The following TFPT variants were observed in gnomAD, a reference collection of about 807,000 sequenced individuals.
The protein encoded by TFPT is INO80 complex subunit F.
TFPT carries 27 observed loss-of-function variants against 28.8 expected under a neutral mutation model. The observed-to-expected ratio is 0.94, with a 90% CI of 0.69 to 1.29. The LOEUF (loss-of-function observed/expected upper bound fraction) is 1.29. TFPT is among the 50% of genes most tolerant of loss of function. TFPT has a pLI of 0.00. For missense variants in TFPT, 330 were observed against 338.0 expected (o/e 0.98, Z 0.19); for synonymous variants, 152 against 142.8 (o/e 1.06, Z -0.46).
chr19:54,111,500 A>T (rs1363690897), intron 2 of TFPT, among the ~76,000 whole-genome samples: 1 of 109,394 alleles, frequency 9.1e-6, no homozygotes, highest in African/African-American at 3.4e-5. Flanking sequence ...TCTCTACTAA[A>T]AAAAAAAAAA....
At chr19:54,108,709 C>T in intron 3 of TFPT, 1 of 1,006,386 alleles carries the variant, frequency 9.9e-7, no homozygotes, top group Non-Finnish European at 1.4e-6. Flanking sequence ...GATGTCAGCA[C>T]TTAGTAAACA....
At chr19:54,108,288 C>G (rs764714626) in intron 4 of TFPT, 38 bp downstream of exon 4, 1 of 1,577,918 alleles carries the variant, frequency 6.3e-7, no homozygotes, top group Non-Finnish European at 8.6e-7. Context: ...GGGTCCTGAG[C>G]TCCCAGTTCC....
In TFPT at chr19:54,107,199, A is replaced by G; in HGVS notation, c.643-30T>C. 3.2e-6 allele frequency: 5 copies of G among 1,581,566 alleles called. No individual in the cohort carries two copies. The African/African-American group carries it at 6.9e-5, about 22-fold the overall frequency. The stretch of plus-strand genomic sequence containing the variant: ...AGGAGATAAGGAACAAGGTGTTAAC[A>G]GGCCTGGGAATCTAGAAAATCCCAT... On this transcript the variant is annotated intron_variant, in intron 5 of 5. Coordinates refer to ENST00000391759, the MANE Select transcript of TFPT (RefSeq NM_013342.4).
chr19:54,107,912 C>G, intron 5 of TFPT, 114 bp downstream of exon 5: 1 of 1,183,634 alleles, frequency 8.4e-7, no homozygotes, highest in Non-Finnish European at 1.2e-6. Context: ...CCCAAGAGCC[C>G]TGAACCTAAC....
intron 3 of TFPT, chr19:54,108,754 AAG>A: frequency 2.6e-6 from 2 of 757,152 alleles, no homozygotes. Flanking sequence ...TTGATAACTG[AAG>A]AGAGGGGAGT....
At chr19:54,107,960 T>C in intron 5 of TFPT, 66 bp downstream of exon 5, 1 of 1,455,204 alleles carries the variant, frequency 6.9e-7, no homozygotes, top group Non-Finnish European at 9.2e-7. Context: ...GAGTCCCCCC[T>C]CCTTACCTGC....
chr19:54,115,374 G>A lies in TFPT; in HGVS notation c.-105C>T. ...TGTCCCATCAGGCTCAGCAGCCGAG[G>A]ACGGCGGGACGTGGCCCTAGGCCTT... On this transcript the variant is annotated 5_prime_UTR_variant, in exon 1 of 6. Coordinates refer to ENST00000391759, the MANE Select transcript of TFPT (RefSeq NM_013342.4). The A allele has an allele frequency of 6.5e-7, 1 of 1,547,916 alleles. No homozygotes were observed. The highest frequency in any genetic ancestry group is 2.2e-5 in the East Asian group (1 of 44,566).
intron 2 of TFPT, among the ~76,000 whole-genome samples, chr19:54,113,897 T>A (rs1234936869): frequency 1.3e-5 from 2 of 152,186 alleles, no homozygotes. Flanking sequence ...TTCACCATGT[T>A]GGCCAGGCTG....
intron 2 of TFPT, 49 bp downstream of exon 2, chr19:54,114,393 G>T: frequency 1.3e-6 from 2 of 1,571,162 alleles, no homozygotes; most frequent in Non-Finnish European, 8.6e-7. Flanking sequence ...GCGGGGGGCG[G>T]TAGTTTAGGC....
rs1225383999 is a variant in TFPT, at chr19:54,115,647, C to T, written c.-378G>A. ...CTTACCGCCTCTCTCCGCCTAGTGC[C>T]AGGTGCTAATAAAGTTGTTGTTTCA... On this transcript the variant is annotated 5_prime_UTR_variant, in exon 1 of 6. Transcript: ENST00000391759. The T allele has an allele frequency of 7.6e-6, 3 of 395,450 alleles. No individual in the cohort carries two copies. Among genetic ancestry groups the T allele is most frequent in the African/African-American group, 2.0e-5 (1 of 49,902 alleles). 24.5% of individuals were successfully genotyped at this position (395,450 alleles called of 1,614,324 possible). A position where few individuals can be genotyped will look rare whatever the true frequency, so the allele number is the denominator to read the frequency against.
chr19:54,114,456 G>A lies in TFPT; in HGVS notation c.268C>T (p.Arg90Trp), dbSNP rs142515991. The A allele has an allele frequency of 8.1e-5, 131 of 1,612,968 alleles. No individual in the cohort carries two copies. Among genetic ancestry groups the A allele is most frequent in the Middle Eastern group, 1.6e-4 (1 of 6,082 alleles). The change falls in exon 2 of 6, where the codon CGG becomes TGG. Residue 90 changes from arginine (R) to tryptophan (W), a missense_variant. By Grantham distance (101) the Arg-to-Trp change is moderately radical. Coordinates refer to ENST00000391759, the MANE Select transcript of TFPT (RefSeq NM_013342.4). ...RKYQALGRRC[R>W]EIEQVNERVL... is the part of the protein sequence containing the mutation. Reference sequence around the variant, plus strand: ...CACTCACCTACCTGCTCGATCTCCCGGCAGCGCCGACCTAGTGCCTGGTAC... The same window carrying A: ...CACTCACCTACCTGCTCGATCTCCCAGCAGCGCCGACCTAGTGCCTGGTAC...
chr19:54,115,378 G>A lies in TFPT; in HGVS notation c.-109C>T. The A allele has an allele frequency of 6.6e-7, 1 of 1,523,866 alleles. No individual in the cohort carries two copies. Among genetic ancestry groups the A allele is most frequent in the Non-Finnish European group, 9.0e-7 (1 of 1,105,400 alleles). 94.4% of individuals were successfully genotyped at this position (1,523,866 alleles called of 1,614,324 possible). On this transcript the variant is annotated 5_prime_UTR_variant, in exon 1 of 6. Coordinates refer to ENST00000391759, the MANE Select transcript of TFPT (RefSeq NM_013342.4). ...CCATCAGGCTCAGCAGCCGAGGACGGCGGGACGTGGCCCTAGGCCTTGTGG... is the reference window on the plus strand; with the variant it reads ...CCATCAGGCTCAGCAGCCGAGGACGACGGGACGTGGCCCTAGGCCTTGTGG...
At chr19:54,108,556 TGACCAGCCTTGA>T in intron 3 of TFPT, 161 bp from the exon 4 acceptor site, 1 of 1,604,678 alleles carries the variant, frequency 6.2e-7, no homozygotes, top group Non-Finnish European at 8.5e-7. Context: ...GCCATGCCCT[TGACCAGCCTTGA>T]GACCTCGAGC....
At chr19:54,107,542 C>T (rs2073306534) in intron 5 of TFPT, 1 of 297,602 alleles carries the variant, frequency 3.4e-6, no homozygotes, top group Non-Finnish European at 6.3e-6. Context: ...AGCCACTGCA[C>T]CTGGCCAGCC....
chr19:54,107,678 C>G, intron 5 of TFPT: 1 of 342,404 alleles, frequency 2.9e-6, no homozygotes, highest in Non-Finnish European at 5.3e-6. Context: ...TCCACTCCGT[C>G]TTCTCTGATC....
intron 3 of TFPT, chr19:54,108,955 C>T (rs2073365071): frequency 2.5e-5 from 5 of 201,858 alleles, no homozygotes; most frequent in Admixed American, 1.1e-4. Context: ...AGTGCAGTGG[C>T]GTGAATTTGG....
rs928059728 is a variant in TFPT at position 54,114,557 on chromosome 19, C to T, written c.167G>A (p.Gly56Glu). 6.2e-7 allele frequency: 1 copy of T among 1,614,132 alleles called. No homozygotes were observed. The highest frequency in any genetic ancestry group is 8.5e-7 in the Non-Finnish European group (1 of 1,180,030). Residue 56 changes from glycine (G) to glutamate (E), a missense_variant, in exon 2 of 6, where the codon GGG becomes GAG. Coordinates refer to ENST00000391759, the MANE Select transcript of TFPT (RefSeq NM_013342.4). ...TTCCTCTTCATCTCGCTCCCGGAGC[C>T]CTGAGCCGCCCAGACCACCTGACAC... ...EFVSGGLGGS[G>E]LRERDEEEEA...
At position 54,108,109 on chromosome 19, in the gene TFPT, G is replaced by A. The variant is rs1568564339; in HGVS notation, c.559C>T (p.Pro187Ser). Residue 187 changes from proline to serine, a missense_variant, in exon 5 of 6, where the codon CCC (proline) becomes TCC (serine). By Grantham distance (74) the Pro-to-Ser change is moderately conservative. Coordinates refer to ENST00000391759, the MANE Select transcript of TFPT (RefSeq NM_013342.4). ...EPGSPAPGEG[P>S]SGRKRRRVPR... ...ACTCGCCGCCTCTTCCGCCCACTGG[G>A]CCCCTCACCGGGGGCTGGGCTGCCG... 2 of 1,573,940 alleles carry A rather than the reference G, an allele frequency of 1.3e-6. No homozygotes were observed. Among genetic ancestry groups the A allele is most frequent in the Admixed American group, 1.8e-5 (1 of 54,172 alleles).
In TFPT at chr19:54,114,300, TGCTAAATGACTGAATATATAA is replaced by T. The variant is rs1433843478; in HGVS notation, c.282+121_282+141del. 1.1e-4 allele frequency: 152 copies of T among 1,380,072 alleles called. No individual in the cohort carries two copies. The East Asian group carries it at 1.4e-3, about 13-fold the overall frequency. The allele number at this position is 1,380,072 out of a possible 1,614,324, so 85.5% of individuals were successfully genotyped here. The stretch of plus-strand genomic sequence containing the variant: ...GGCACAGGGCCAGACACATAATGCA[TGCTAAATGACTGAATATATAA>T]GCTAAATGACTGAATATATCAGCAA... On this transcript the variant is annotated intron_variant, in intron 2 of 5. Coordinates refer to ENST00000391759, the MANE Select transcript of TFPT (RefSeq NM_013342.4).
Sources: allele counts gnomAD v4.1 joint callset (sites outside exome capture counted in the v4.1 genomes callset), GRCh38; gene constraint gnomAD v4.1.1; transcripts MANE v1.5; gene names NCBI Gene and HGNC (gene_info 2026-07-23, HGNC 2026-07-21).